XKR4: variants seen among roughly 807,000 people sequenced by gnomAD.
The protein encoded by XKR4 is XK related 4, also known as XK-related protein 4.
XKR4 carries 12 observed loss-of-function variants against 53.9 expected under a neutral mutation model. The observed-to-expected ratio is 0.22, with a 90% CI of 0.14 to 0.36. The LOEUF is 0.36. Ranked by LOEUF, XKR4 falls within the 10% of genes least tolerant of loss-of-function variation. The probability of loss-of-function intolerance (pLI) is 1.00; values close to 1 mark genes in which losing one functional copy is unlikely to be tolerated. For synonymous variants in XKR4, 354 were observed against 362.4 expected (o/e 0.98, Z 0.26); for missense variants, 799 against 859.5 (o/e 0.93, Z 0.88).
intron 1 of XKR4, among the ~76,000 whole-genome samples, chr8:55,345,996 G>A (rs966178651): frequency 4.6e-5 from 7 of 152,054 alleles, no homozygotes; most frequent in Admixed American, 3.9e-4. Flanking sequence ...AGAAGACAAA[G>A]TAGAATGGTG....
intron 2 of XKR4, among the ~76,000 whole-genome samples, chr8:55,469,689 C>A (rs1270267528): frequency 6.6e-6 from 1 of 151,972 alleles, no homozygotes; most frequent in East Asian, 1.9e-4. Context: ...TGTGTTAGAG[C>A]TGTACGGAAT....
At chr8:55,417,613 T>C (rs1325180446) in intron 2 of XKR4, among the ~76,000 whole-genome samples, 1 of 152,218 alleles carries the variant, frequency 6.6e-6, no homozygotes, top group African/African-American at 2.4e-5. Flanking sequence ...TATTATCATT[T>C]TGCTGGATGT....
intron 1 of XKR4, among the ~76,000 whole-genome samples, chr8:55,318,906 A>C (rs1803162752): frequency 6.6e-6 from 1 of 152,244 alleles, no homozygotes; most frequent in Admixed American, 6.5e-5. Context: ...AACAAGAAAG[A>C]GTATTTGAAG....
intron 1 of XKR4, among the ~76,000 whole-genome samples, chr8:55,295,489 G>A (rs1280715934): frequency 6.6e-6 from 1 of 152,140 alleles, no homozygotes; most frequent in Non-Finnish European, 1.5e-5. Flanking sequence ...GCTGGTAGCA[G>A]GGACAAAGAA....
rs533868066 is a variant in XKR4 at position 55,268,376 on chromosome 8, T to C, written c.807-89302T>C. ...CAGTAAATTGGTATAATGATACCAA[T>C]GTTAGTCTCAAGGTAAAATGTTGAA... On this transcript the variant is annotated intron_variant, in intron 1 of 2. Transcript: ENST00000327381. 4.6e-5 allele frequency among the ~76,000 whole-genome samples: 7 copies of C among 152,316 alleles called. No individual in the cohort carries two copies. In the East Asian group the frequency reaches 1.2e-3, roughly 25 times the overall value.
chr8:55,301,623 G>C (rs1217492998), intron 1 of XKR4, among the ~76,000 whole-genome samples: 1 of 152,180 alleles, frequency 6.6e-6, no homozygotes, highest in Non-Finnish European at 1.5e-5. Flanking sequence ...CAGTGTAAAA[G>C]TGTTCCTATT....
chr8:55,248,258 A>G (rs1460445461), intron 1 of XKR4, among the ~76,000 whole-genome samples: 2 of 152,168 alleles, frequency 1.3e-5, no homozygotes, highest in African/African-American at 2.4e-5. Context: ...TTCTAATAAT[A>G]TTTTTAGTTT....
At chr8:55,125,244 T>C (rs1397985620) in intron 1 of XKR4, among the ~76,000 whole-genome samples, 7 of 152,228 alleles carry the variant, frequency 4.6e-5, no homozygotes, top group Admixed American at 3.9e-4. Context: ...TTTCTTTTTT[T>C]CTTGAGATGG....
At chr8:55,438,676 G>A (rs988333726) in intron 2 of XKR4, among the ~76,000 whole-genome samples, 1 of 151,838 alleles carries the variant, frequency 6.6e-6, no homozygotes, top group African/African-American at 2.4e-5. Context: ...GAAGAAATTG[G>A]TGATCTTCTA....
At chr8:55,285,184 T>C (rs180729565) in intron 1 of XKR4, among the ~76,000 whole-genome samples, 207 of 152,320 alleles carry the variant, frequency 1.4e-3, no homozygotes, top group African/African-American at 4.7e-3. Context: ...CTAATTTTTT[T>C]AATGTCAGCT....
intron 1 of XKR4, among the ~76,000 whole-genome samples, chr8:55,314,493 C>T (rs1252272824): frequency 2.6e-5 from 4 of 152,122 alleles, no homozygotes; most frequent in East Asian, 1.9e-4. Flanking sequence ...CCGGGGAAAC[C>T]GCCGTGCTGA....
chr8:55,281,825 C>T (rs1402716106), intron 1 of XKR4, among the ~76,000 whole-genome samples: 1 of 152,222 alleles, frequency 6.6e-6, no homozygotes, highest in African/African-American at 2.4e-5. Context: ...CACAACTTTA[C>T]ATCCCCAAAC....
At chr8:55,424,496 T>C (rs1285175173) in intron 2 of XKR4, among the ~76,000 whole-genome samples, 2 of 152,206 alleles carry the variant, frequency 1.3e-5, no homozygotes, top group Non-Finnish European at 2.9e-5. Flanking sequence ...AGGGTCTGCT[T>C]TTAATATTTT....
At chr8:55,275,626 C>T (rs1818753204) in intron 1 of XKR4, among the ~76,000 whole-genome samples, 1 of 152,180 alleles carries the variant, frequency 6.6e-6, no homozygotes, top group South Asian at 2.1e-4. Flanking sequence ...AGATCTGCAA[C>T]ATTGATATTT....
At chr8:55,340,904 G>A (rs775790706) in intron 1 of XKR4, among the ~76,000 whole-genome samples, 19 of 152,170 alleles carry the variant, frequency 1.2e-4, no homozygotes, top group Non-Finnish European at 2.1e-4. Flanking sequence ...GTGTCACCGC[G>A]CAGAGATAAC....
rs1363602649 is a variant in XKR4 at position 55,289,514 on chromosome 8, C to CA, written c.807-68151dup. ...TGGGAGGCAGAGTGAGATTCTGTCT[C>CA]AAAAAAAAAAAAAGAAAAGAAAGAA... is the stretch of plus-strand genomic sequence containing the variant. On this transcript the variant is annotated intron_variant, in intron 1 of 2. Coordinates refer to ENST00000327381, the MANE Select transcript of XKR4 (RefSeq NM_052898.2). Among the ~76,000 whole-genome samples, 104 of 56,708 alleles carry CA rather than the reference C, an allele frequency of 1.8e-3. 1 individual carries two copies. The highest frequency in any genetic ancestry group is 2.9e-3 in the Admixed American group (13 of 4,444). The allele number at this position is 56,708 out of a possible 152,430, so 37.2% of individuals were successfully genotyped here.
At chr8:55,513,730 G>T (rs765246834) in intron 2 of XKR4, among the ~76,000 whole-genome samples, 3 of 152,212 alleles carry the variant, frequency 2.0e-5, no homozygotes, top group Non-Finnish European at 4.4e-5. Context: ...GGGCTTTCAT[G>T]CAGACAGCAC....
At chr8:55,419,300 G>T (rs184257630) in intron 2 of XKR4, among the ~76,000 whole-genome samples, 3 of 152,124 alleles carry the variant, frequency 2.0e-5, no homozygotes, top group South Asian at 4.2e-4. Context: ...CATGAGAATC[G>T]CTTGAACCCT....
intron 1 of XKR4, chr8:55,164,472 G>C (rs141145100): frequency 4.6e-4 from 212 of 456,120 alleles, no homozygotes; most frequent in African/African-American, 4.0e-3. Flanking sequence ...GTCTACCTGG[G>C]TATTCTCCAC....
Sources: allele counts gnomAD v4.1 joint callset (sites outside exome capture counted in the v4.1 genomes callset), GRCh38; gene constraint gnomAD v4.1.1; transcripts MANE v1.5; gene names NCBI Gene and HGNC (gene_info 2026-07-23, HGNC 2026-07-21).